Variants in GPRC5C observed in about 807,000 individuals in gnomAD.
GPRC5C encodes G protein-coupled receptor class C group 5 member C.
Under a neutral mutation model 31.4 loss-of-function variants are expected in GPRC5C, and 22 were observed. That is an observed-to-expected ratio of 0.70 (90% confidence interval 0.50 to 1.00). GPRC5C has a LOEUF of 1.00. GPRC5C is among the 50% of genes least tolerant of loss of function. The pLI, the probability that GPRC5C is intolerant of heterozygous loss-of-function variation, is 0.00. For missense variants in GPRC5C, 557 were observed against 597.2 expected (o/e 0.93, Z 0.70); for synonymous variants, 249 against 257.5 (o/e 0.97, Z 0.32).
downstream of GPRC5C, among the ~76,000 whole-genome samples, chr17:74,448,278 GC>G (rs1399539066): frequency 1.3e-5 from 2 of 152,184 alleles, no homozygotes; most frequent in Non-Finnish European, 2.9e-5. Flanking sequence ...TACTGCCTGG[GC>G]AACAGAGCGA....
chr17:74,449,023 CGGGGAGCCTGCTCCTCCCA>C, downstream of GPRC5C: 1 of 584,808 alleles, frequency 1.7e-6, no homozygotes, highest in Non-Finnish European at 2.7e-6. Flanking sequence ...AGGCCGGCCC[CGGGGAGCCTGCTCCTCCCA>C]GGCTTGGGAA....
chr17:74,432,212 G>A (rs1311360358), intron 1 of GPRC5C, 71 bp downstream of exon 1: 1 of 1,557,794 alleles, frequency 6.4e-7, no homozygotes, highest in Admixed American at 2.0e-5. Context: ...CTGGAGCGCG[G>A]CGGGCGCCCG....
intron 1 of GPRC5C, among the ~76,000 whole-genome samples, chr17:74,437,708 A>G (rs1332818648): frequency 6.9e-6 from 1 of 145,428 alleles, no homozygotes; most frequent in Admixed American, 6.9e-5. Context: ...TTGTTTGCCT[A>G]TTAGAAATTA....
intron 3 of GPRC5C, chr17:74,446,593 C>G: frequency 2.2e-6 from 1 of 448,328 alleles, no homozygotes; most frequent in Non-Finnish European, 4.0e-6. Context: ...AGAAGGGGAT[C>G]CCCCTCTGTG....
chr17:74,449,567 C>T (rs1034946731), downstream of GPRC5C: 1 of 287,490 alleles, frequency 3.5e-6, no homozygotes. Context: ...CCCTTTCCTG[C>T]CCAGCCCATC....
rs750048065 is a variant in GPRC5C, at chr17:74,443,871, G to A, written c.1105G>A (p.Val369Met). The change falls in exon 3 of 4, where the codon GTG becomes ATG. Residue 369 changes from valine to methionine, a missense_variant. Coordinates refer to ENST00000392627, the MANE Select transcript of GPRC5C (RefSeq NM_022036.4). Reference protein sequence around the residue: ...SGYNGQLLTSVYQPTEMALMH... With the variant: ...SGYNGQLLTSMYQPTEMALMH... ...GTACAATGGGCAGCTGCTGACCAGT[G>A]TGTACCAGCCCACTGAGATGGCCCT... The A allele has an allele frequency of 6.2e-7, 1 of 1,613,688 alleles. No homozygotes were observed. Among genetic ancestry groups the A allele is most frequent in the East Asian group, 2.2e-5 (1 of 44,886 alleles).
intron 1 of GPRC5C, among the ~76,000 whole-genome samples, chr17:74,437,629 A>ATTTTTTTTTTTT (rs57390968): frequency 0.014 from 1,863 of 129,148 alleles, 75 homozygotes; most frequent in African/African-American, 0.03. Context: ...TATGGACAGA[A>ATTTTTTTTTTTT]TTTTTTTTTT....
chr17:74,435,061 T>C (rs1332058043), intron 1 of GPRC5C, among the ~76,000 whole-genome samples: 2 of 144,868 alleles, frequency 1.4e-5, no homozygotes, highest in African/African-American at 2.6e-5. Context: ...CTACTAAAAA[T>C]AGAAAAAATT....
At chr17:74,448,365 TTTTAATTTAA>T (rs1186966398), downstream of GPRC5C, among the ~76,000 whole-genome samples, 1 of 152,236 alleles carries the variant, frequency 6.6e-6, no homozygotes, top group South Asian at 2.1e-4. Flanking sequence ...GCAGCTCATT[TTTTAATTTAA>T]TTTAATTTAA....
Position 74,446,872 on chromosome 17 carries a change from C to T in GPRC5C, c.1170C>T (p.Ile390=), listed in dbSNP as rs1390197676. The T allele has an allele frequency of 3.1e-6, 5 of 1,613,338 alleles. No individual in the cohort carries two copies. The East Asian group carries it at 8.9e-5, about 29-fold the overall frequency. Residue 390 remains isoleucine (I), a synonymous_variant, in exon 4 of 4, where the codon ATC becomes ATT. Coordinates refer to ENST00000392627, the MANE Select transcript of GPRC5C (RefSeq NM_022036.4). ...AGTCCGAAGGAGCTTACGACATCAT[C>T]CTCCCACGGGCCACCGCCAACAGCC... ...KVPSEGAYDI[I]LPRATANSQV... is the part of the protein sequence containing the mutation.
chr17:74,433,625 G>A, intron 1 of GPRC5C: 1 of 1,156,154 alleles, frequency 8.6e-7, no homozygotes, highest in Non-Finnish European at 1.3e-6. Context: ...CTGTCAGTCG[G>A]GCCATCGTCT....
chr17:74,440,489 G>A lies in GPRC5C; in HGVS notation c.713G>A (p.Trp238Ter). 6.2e-7 allele frequency: 1 copy of A among 1,614,138 alleles called. No homozygotes were observed. The highest frequency in any genetic ancestry group is 1.1e-5 in the South Asian group (1 of 91,088). ...GCCCTGTGTGGCCGCTACAAGCGCT[G>A]GCGTAAGCATGGGGTCTTTGTGCTC... The part of the protein sequence containing the change: ...WPALCGRYKR[W>*]RKHGVFVLLT... Residue 238 changes from tryptophan (W) to a stop codon, truncating the protein, a stop_gained, in exon 2 of 4, where the codon TGG becomes TAG. Coordinates refer to ENST00000392627, the MANE Select transcript of GPRC5C (RefSeq NM_022036.4). LOFTEE classifies it high-confidence loss of function. The surrounding 1 kb of genome is among the most constrained non-coding windows in gnomAD (Gnocchi z 4.4).
At chr17:74,438,206 C>CATATATATATATATATAT (rs71157066) in intron 1 of GPRC5C, among the ~76,000 whole-genome samples, 1 of 45,272 alleles carries the variant, frequency 2.2e-5, no homozygotes, top group Non-Finnish European at 3.8e-5. Flanking sequence ...TCTGCTAATT[C>CATATATATATATATATAT]ATATATATAT....
At chr17:74,445,557 CA>C (rs2055614256) in intron 3 of GPRC5C, 1 of 152,536 alleles carries the variant, frequency 6.6e-6, no homozygotes, top group Non-Finnish European at 1.5e-5. Flanking sequence ...GATTCCAATG[CA>C]CACTCATCTG....
chr17:74,446,056 C>T (rs1234754425), intron 3 of GPRC5C: 1 of 144,456 alleles, frequency 6.9e-6, no homozygotes, highest in East Asian at 2.0e-4. Flanking sequence ...GACTAGATGC[C>T]TAGAGAGATG....
chr17:74,444,242 G>A (rs2706530), intron 3 of GPRC5C, among the ~76,000 whole-genome samples: 143,470 of 152,230 alleles, frequency 0.94, 67,703 homozygotes, highest in East Asian at 1. Context: ...TACCCTGGAG[G>A]GCTTGGGGAG....
intron 1 of GPRC5C, among the ~76,000 whole-genome samples, chr17:74,438,252 T>TATATA (rs1250000838): frequency 9.3e-4 from 100 of 107,530 alleles, no homozygotes; most frequent in African/African-American, 2.0e-3. Flanking sequence ...TATATATATA[T>TATATA]TTGTTGTTGT....
chr17:74,432,556 G>A, intron 1 of GPRC5C: 1 of 986,394 alleles, frequency 1.0e-6, no homozygotes, highest in Non-Finnish European at 1.2e-6. Context: ...TCCGCCGCCC[G>A]GAAGAGTCGG....
intron 1 of GPRC5C, among the ~76,000 whole-genome samples, chr17:74,438,206 C>CATAT (rs71157066): frequency 6.4e-3 from 290 of 45,218 alleles, no homozygotes; most frequent in Non-Finnish European, 7.5e-3. Flanking sequence ...TCTGCTAATT[C>CATAT]ATATATATAT....
Sources: gnomAD v4.1 joint callset for allele counts (sites outside exome capture counted in the v4.1 genomes callset) on GRCh38, gnomAD v4.1.1 for gene constraint, Gnocchi (gnomAD v3.1) non-coding constraint, MANE v1.5 for transcripts, NCBI Gene and HGNC (gene_info 2026-07-23, HGNC 2026-07-21) for gene names.